The following LEMD3 variants were observed in gnomAD, a reference collection of about 807,000 sequenced individuals.
The protein encoded by LEMD3 is LEM domain containing 3, also known as inner nuclear membrane protein Man1.
LEMD3 carries 33 observed loss-of-function variants against 95.2 expected under a neutral mutation model. The ratio of observed to expected loss-of-function variants is 0.35; its 90% CI spans 0.26 to 0.46. The LOEUF is 0.46. LEMD3 is among the 20% of genes least tolerant of loss of function. The pLI, the probability that LEMD3 is intolerant of heterozygous loss-of-function variation, is 1.00. For synonymous variants in LEMD3, 525 were observed against 474.6 expected (o/e 1.11, Z -1.38); for missense variants, 1,210 against 1,192.8 (o/e 1.01, Z -0.21).
At chr12:65,224,802 G>A (rs1354930859) in intron 4 of LEMD3, among the ~76,000 whole-genome samples, 2 of 152,014 alleles carry the variant, frequency 1.3e-5, no homozygotes, top group African/African-American at 4.8e-5. Context: ...AAATAACATG[G>A]TGTTTTTGTT....
In LEMD3 at chr12:65,245,678, G is replaced by C; in HGVS notation, c.2397G>C (p.Gly799=). ...TTTCATTAACTTTTAGGGAAATAGG[G>C]GATCAGTGGCATTTGGCAATTCAAG... ...RNMFDPVMEI[G]DQWHLAIQEA... is the part of the protein sequence containing the mutation. Residue 799 remains glycine, a synonymous_variant, in exon 11 of 13, where the codon GGG becomes GGC. Transcript: ENST00000308330. 2 of 1,612,406 alleles carry C rather than the reference G, an allele frequency of 1.2e-6. No homozygotes were observed. The highest frequency in any genetic ancestry group is 1.1e-5 in the South Asian group (1 of 91,046).
chr12:65,212,098 T>G (rs1490709168), intron 2 of LEMD3, among the ~76,000 whole-genome samples: 1 of 152,102 alleles, frequency 6.6e-6, no homozygotes, highest in Non-Finnish European at 1.5e-5. Context: ...GTGAAAGTCA[T>G]GTCTTACCTG....
intron 1 of LEMD3, among the ~76,000 whole-genome samples, chr12:65,196,991 TGAA>T (rs1330341040): frequency 1.3e-5 from 2 of 152,334 alleles, no homozygotes; most frequent in South Asian, 4.1e-4. Context: ...AGTTCTGCTC[TGAA>T]GCATGTGGGC....
chr12:65,208,084 A>T (rs1869818730), intron 1 of LEMD3, among the ~76,000 whole-genome samples: 1 of 152,118 alleles, frequency 6.6e-6, no homozygotes. Context: ...GAAACATTTA[A>T]GGAATTTGAT....
chr12:65,236,505 C>T (rs190530667), intron 4 of LEMD3, among the ~76,000 whole-genome samples: 112 of 151,638 alleles, frequency 7.4e-4, no homozygotes, highest in African/African-American at 2.1e-3. Context: ...GAGGCGAGTT[C>T]GCACCACTGC....
chr12:65,235,011 T>C (rs1438288839), intron 4 of LEMD3, among the ~76,000 whole-genome samples: 1 of 152,170 alleles, frequency 6.6e-6, no homozygotes, highest in East Asian at 1.9e-4. Context: ...CATGCCATGA[T>C]ACTAGGCAAA....
At chr12:65,231,428 T>C (rs1870625050) in intron 4 of LEMD3, among the ~76,000 whole-genome samples, 1 of 152,182 alleles carries the variant, frequency 6.6e-6, no homozygotes, top group African/African-American at 2.4e-5. Context: ...CTCATACCTA[T>C]AATCTCAGCA....
chr12:65,201,048 A>G (rs1318659222), intron 1 of LEMD3, among the ~76,000 whole-genome samples: 3 of 152,140 alleles, frequency 2.0e-5, no homozygotes, highest in Non-Finnish European at 2.9e-5. Flanking sequence ...TTATTTGTTG[A>G]AAAAACTATC....
At chr12:65,244,774 C>A (rs895917695) in intron 10 of LEMD3, among the ~76,000 whole-genome samples, 2 of 151,906 alleles carry the variant, frequency 1.3e-5, no homozygotes, top group African/African-American at 2.4e-5. Context: ...GTGGCAAAAC[C>A]CCGTCTCTAC....
At chr12:65,177,926 C>G (rs1048674308) in intron 1 of LEMD3, among the ~76,000 whole-genome samples, 6 of 151,524 alleles carry the variant, frequency 4.0e-5, no homozygotes, top group African/African-American at 1.5e-4. Context: ...TTACTGCAGC[C>G]TCAACCTCCC....
intron 2 of LEMD3, among the ~76,000 whole-genome samples, chr12:65,214,113 G>A (rs1418177151): frequency 1.3e-5 from 2 of 152,020 alleles, no homozygotes; most frequent in Non-Finnish European, 2.9e-5. Context: ...TCACCAGGCT[G>A]GAGTACAGTG....
intron 1 of LEMD3, among the ~76,000 whole-genome samples, chr12:65,185,443 T>C (rs974907373): frequency 5.3e-5 from 8 of 152,126 alleles, no homozygotes; most frequent in African/African-American, 1.7e-4. Context: ...GAAGACCTAA[T>C]AAATAATTTG....
intron 3 of LEMD3, 120 bp downstream of exon 3, chr12:65,216,163 G>T: frequency 1.4e-6 from 1 of 690,064 alleles, no homozygotes; most frequent in Non-Finnish European, 2.5e-6. Flanking sequence ...TTCTTTAGAA[G>T]TTTTCATTAC....
intron 1 of LEMD3, among the ~76,000 whole-genome samples, chr12:65,194,755 GTTT>G (rs1869356995): frequency 5.2e-5 from 2 of 38,812 alleles, no homozygotes; most frequent in Non-Finnish European, 9.4e-5. Flanking sequence ...TCTTTCATTA[GTTT>G]TACATAGGCA....
chr12:65,208,405 C>G (rs1869828749), intron 1 of LEMD3, among the ~76,000 whole-genome samples: 1 of 152,060 alleles, frequency 6.6e-6, no homozygotes, highest in African/African-American at 2.4e-5. Context: ...CCCTAGTTTT[C>G]TAGTGACTGA....
intron 4 of LEMD3, among the ~76,000 whole-genome samples, chr12:65,236,006 TGATG>T (rs1164372179): frequency 1.3e-5 from 2 of 152,244 alleles, no homozygotes; most frequent in African/African-American, 4.8e-5. Context: ...TTTCATGTAA[TGATG>T]CCTAACAAGA....
At chr12:65,178,449 G>A (rs1263051699) in intron 1 of LEMD3, among the ~76,000 whole-genome samples, 1 of 152,116 alleles carries the variant, frequency 6.6e-6, no homozygotes, top group Non-Finnish European at 1.5e-5. Flanking sequence ...CAGAGAACCT[G>A]GGCTTCAATA....
intron 6 of LEMD3, among the ~76,000 whole-genome samples, chr12:65,239,506 C>T (rs1232044334): frequency 4.6e-5 from 7 of 152,154 alleles, no homozygotes; most frequent in African/African-American, 1.7e-4. Context: ...CATGATTGCA[C>T]TACTGCCCTC....
At chr12:65,229,792 C>T (rs992444134) in intron 4 of LEMD3, among the ~76,000 whole-genome samples, 1 of 152,210 alleles carries the variant, frequency 6.6e-6, no homozygotes, top group Non-Finnish European at 1.5e-5. Flanking sequence ...TACTAGTCAT[C>T]TCTTCACTCT....
Sources: allele counts gnomAD v4.1 joint callset (sites outside exome capture counted in the v4.1 genomes callset), GRCh38; gene constraint gnomAD v4.1.1; transcripts MANE v1.5; gene names NCBI Gene and HGNC (gene_info 2026-07-23, HGNC 2026-07-21).